The following CSMD1 variants were observed in gnomAD, a reference collection of about 807,000 sequenced individuals.
The protein encoded by CSMD1 is CUB and Sushi multiple domains 1.
Under a neutral mutation model 417.5 loss-of-function variants are expected in CSMD1, and 213 were observed. The ratio of observed to expected loss-of-function variants is 0.51; its 90% CI spans 0.46 to 0.57. CSMD1 has a LOEUF of 0.57. CSMD1 is among the 20% of genes least tolerant of loss of function. CSMD1 has a pLI of 0.00. For missense variants in CSMD1, 6,923 were observed against 4,529.7 expected (o/e 1.53, Z -15.17); for synonymous variants, 2,862 against 1,736.8 (o/e 1.65, Z -16.11).
chr8:4,428,647 T>C (rs895006084), intron 2 of CSMD1, among the ~76,000 whole-genome samples: 6 of 152,178 alleles, frequency 3.9e-5, no homozygotes, highest in Non-Finnish European at 7.3e-5. Flanking sequence ...ACAGAACTTT[T>C]AGGGCTTATT....
chr8:4,301,555 C>T (rs371522806), intron 3 of CSMD1, among the ~76,000 whole-genome samples: 1 of 152,162 alleles, frequency 6.6e-6, no homozygotes, highest in East Asian at 1.9e-4. Flanking sequence ...TTGGAATTCA[C>T]CAAGTGGAAA....
chr8:3,296,622 G>A (rs1032471636), intron 25 of CSMD1, among the ~76,000 whole-genome samples: 9 of 152,148 alleles, frequency 5.9e-5, no homozygotes, highest in South Asian at 2.1e-4. Flanking sequence ...AGAAAGTGGC[G>A]TATGTGCTGA....
chr8:4,648,321 G>C (rs1462911277), intron 1 of CSMD1, among the ~76,000 whole-genome samples: 4 of 152,100 alleles, frequency 2.6e-5, no homozygotes, highest in African/African-American at 9.7e-5. Flanking sequence ...TTCCCCACCT[G>C]TGAGTCACTT....
intron 3 of CSMD1, among the ~76,000 whole-genome samples, chr8:4,393,578 G>C (rs866605261): frequency 6.6e-6 from 1 of 152,140 alleles, no homozygotes; most frequent in Non-Finnish European, 1.5e-5. Flanking sequence ...AAGGCCTTCT[G>C]ACTCTCGTTT....
At chr8:4,581,335 C>T (rs1799408669) in intron 2 of CSMD1, among the ~76,000 whole-genome samples, 1 of 152,098 alleles carries the variant, frequency 6.6e-6, no homozygotes, top group Non-Finnish European at 1.5e-5. Flanking sequence ...TGAATATATA[C>T]TACTTTAATT....
At chr8:4,428,722 T>C (rs1445631909) in intron 2 of CSMD1, among the ~76,000 whole-genome samples, 4 of 152,070 alleles carry the variant, frequency 2.6e-5, no homozygotes, top group Non-Finnish European at 5.9e-5. Flanking sequence ...TTTTGTGTAT[T>C]ATTTATTTAT....
At chr8:4,031,267 G>A (rs1797330028) in intron 4 of CSMD1, among the ~76,000 whole-genome samples, 1 of 152,134 alleles carries the variant, frequency 6.6e-6, no homozygotes, top group African/African-American at 2.4e-5. Flanking sequence ...CTGAGCCTGG[G>A]CAATTTACAA....
At chr8:4,903,044 T>G (rs1804998346) in intron 1 of CSMD1, among the ~76,000 whole-genome samples, 1 of 150,476 alleles carries the variant, frequency 6.6e-6, no homozygotes, top group Non-Finnish European at 1.5e-5. Context: ...AATAATAAAC[T>G]AAATAATAAA....
intron 3 of CSMD1, among the ~76,000 whole-genome samples, chr8:4,103,566 C>G (rs908586068): frequency 5.3e-5 from 8 of 151,778 alleles, no homozygotes; most frequent in Non-Finnish European, 7.4e-5. Context: ...AAGTTTGATA[C>G]GATGGATACA....
chr8:3,636,670 C>G (rs144137164), intron 7 of CSMD1, among the ~76,000 whole-genome samples: 1 of 152,212 alleles, frequency 6.6e-6, no homozygotes, highest in Non-Finnish European at 1.5e-5. Flanking sequence ...TCTCCCTAGT[C>G]TTGATCCTGT....
chr8:3,267,654 A>G (rs2117128852), intron 26 of CSMD1, among the ~76,000 whole-genome samples: 1 of 152,346 alleles, frequency 6.6e-6, no homozygotes, highest in South Asian at 2.1e-4. Context: ...GAGCCAACAT[A>G]CAGTGAGGAA....
intron 10 of CSMD1, among the ~76,000 whole-genome samples, chr8:3,560,681 A>G (rs542875563): frequency 1.4e-4 from 22 of 152,174 alleles, no homozygotes; most frequent in Non-Finnish European, 2.8e-4. Flanking sequence ...CTTCATGGAA[A>G]CCATGAATTT....
chr8:4,828,064 TA>T (rs1563516153), intron 1 of CSMD1, among the ~76,000 whole-genome samples: 2 of 152,176 alleles, frequency 1.3e-5, no homozygotes, highest in Non-Finnish European at 2.9e-5. Context: ...GATTTTTTTT[TA>T]CATGAGTCCA....
chr8:3,543,662 T>G (rs1798537714), intron 10 of CSMD1, among the ~76,000 whole-genome samples: 1 of 152,216 alleles, frequency 6.6e-6, no homozygotes, highest in African/African-American at 2.4e-5. Context: ...ATTGCCATTT[T>G]CTAAGAAGAA....
At chr8:3,834,518 G>C (rs1802565777) in intron 5 of CSMD1, among the ~76,000 whole-genome samples, 1 of 152,202 alleles carries the variant, frequency 6.6e-6, no homozygotes, top group African/African-American at 2.4e-5. Context: ...AAACGGGGTA[G>C]AAGCTGCACT....
At chr8:3,726,652 T>G (rs1802515077) in intron 6 of CSMD1, among the ~76,000 whole-genome samples, 1 of 152,198 alleles carries the variant, frequency 6.6e-6, no homozygotes, top group Non-Finnish European at 1.5e-5. Context: ...TGTTCCATCA[T>G]ACAGGTGACA....
At chr8:3,688,236 T>C (rs1031832114) in intron 7 of CSMD1, among the ~76,000 whole-genome samples, 4 of 152,366 alleles carry the variant, frequency 2.6e-5, no homozygotes, top group South Asian at 2.1e-4. Context: ...GATGATAGTA[T>C]AATTTTATTC....
chr8:4,136,584 G>A (rs1262826386), intron 3 of CSMD1, among the ~76,000 whole-genome samples: 1 of 152,146 alleles, frequency 6.6e-6, no homozygotes, highest in Non-Finnish European at 1.5e-5. Flanking sequence ...TATTTCAGAA[G>A]ATGCCAATTC....
intron 5 of CSMD1, among the ~76,000 whole-genome samples, chr8:3,927,435 G>A (rs1039363051): frequency 5.3e-5 from 8 of 151,976 alleles, no homozygotes; most frequent in Non-Finnish European, 1.2e-4. Context: ...GTGGTGCCGA[G>A]GCAGGTGGAT....
Sources: gnomAD v4.1 joint callset for allele counts (sites outside exome capture counted in the v4.1 genomes callset) on GRCh38, gnomAD v4.1.1 for gene constraint, MANE v1.5 for transcripts, NCBI Gene and HGNC (gene_info 2026-07-23, HGNC 2026-07-21) for gene names.